Variants in IGF1R observed in about 807,000 individuals in gnomAD.
IGF1R encodes the protein insulin like growth factor 1 receptor.
IGF1R carries 44 observed loss-of-function variants against 144.6 expected under a neutral mutation model. The ratio of observed to expected loss-of-function variants is 0.30; its 90% confidence interval spans 0.24 to 0.39. The LOEUF (loss-of-function observed/expected upper bound fraction) is 0.39. Ranked by LOEUF, IGF1R falls within the 10% of genes least tolerant of loss-of-function variation. The pLI, the probability that IGF1R is intolerant of heterozygous loss-of-function variation, is 1.00. For missense variants in IGF1R, 1,355 were observed against 1,833.7 expected (o/e 0.74, Z 4.77); for synonymous variants, 795 against 722.8 (o/e 1.10, Z -1.60).
chr15:98,783,049 T>A (rs1466303323), intron 2 of IGF1R, among the ~76,000 whole-genome samples: 1 of 152,248 alleles, frequency 6.6e-6, no homozygotes. Flanking sequence ...CGAGAAGCTC[T>A]CTGCCTGCCT....
At chr15:98,788,056 C>CTGTGTGTGTG (rs1218256852) in intron 2 of IGF1R, among the ~76,000 whole-genome samples, 25 of 106,448 alleles carry the variant, frequency 2.3e-4, no homozygotes, top group African/African-American at 7.6e-4. Flanking sequence ...CTCTCTCTCT[C>CTGTGTGTGTG]TCTCTCTGTG....
At chr15:98,705,599 A>G (rs1031263837) in intron 1 of IGF1R, among the ~76,000 whole-genome samples, 3 of 152,164 alleles carry the variant, frequency 2.0e-5, no homozygotes, top group South Asian at 2.1e-4. Flanking sequence ...TTCACATTCT[A>G]AGTTCTCAAG....
intron 2 of IGF1R, among the ~76,000 whole-genome samples, chr15:98,863,595 A>G (rs2012275994): frequency 6.6e-6 from 1 of 152,226 alleles, no homozygotes; most frequent in Admixed American, 6.5e-5. Context: ...TGGCAAGTCC[A>G]CTTTTATTTG....
In IGF1R at chr15:98,959,539, C is replaced by T. The variant is rs189858462; in HGVS notation, c.*2097C>T. On this transcript the variant is annotated 3_prime_UTR_variant, in exon 21 of 21. Coordinates refer to ENST00000650285, the MANE Select transcript of IGF1R (RefSeq NM_000875.5). ...GGAGGCAGCACAGACGCCACGGTGG[C>T]CCAAGAGCCCCTTTGCTTCTTGCTG... 102 of 233,558 alleles carry T rather than the reference C, an allele frequency of 4.4e-4. 1 individual carries two copies. Among genetic ancestry groups the T allele is most frequent in the Admixed American group, 4.0e-3 (72 of 17,814 alleles). The allele number at this position is 233,558 out of a possible 1,614,324, so 14.5% of individuals were successfully genotyped here.
At chr15:98,884,377 T>C (rs775955756) in intron 2 of IGF1R, among the ~76,000 whole-genome samples, 3 of 152,164 alleles carry the variant, frequency 2.0e-5, no homozygotes, top group Non-Finnish European at 4.4e-5. Context: ...ACTGAGCTGA[T>C]CTTTCTGTAC....
intron 2 of IGF1R, among the ~76,000 whole-genome samples, chr15:98,840,996 G>T (rs2011164625): frequency 6.6e-6 from 1 of 152,136 alleles, no homozygotes; most frequent in African/African-American, 2.4e-5. Context: ...GGCTGGTCTT[G>T]ACTTCCTTTC....
chr15:98,725,097 C>T (rs980858192), intron 2 of IGF1R, among the ~76,000 whole-genome samples: 5 of 152,226 alleles, frequency 3.3e-5, no homozygotes, highest in African/African-American at 4.8e-5. Flanking sequence ...GTCTCCTGTT[C>T]CCTGGCCATT....
chr15:98,930,385 A>G, intron 15 of IGF1R, 80 bp downstream of exon 15: 1 of 912,256 alleles, frequency 1.1e-6, no homozygotes, highest in Non-Finnish European at 1.8e-6. Context: ...TAATTTGGGA[A>G]AGGAAGGAGG....
chr15:98,774,150 C>A (rs189705183), intron 2 of IGF1R, among the ~76,000 whole-genome samples: 1 of 152,298 alleles, frequency 6.6e-6, no homozygotes, highest in African/African-American at 2.4e-5. Flanking sequence ...GGGGGACATT[C>A]ACTGAAGCTT....
intron 2 of IGF1R, among the ~76,000 whole-genome samples, chr15:98,810,857 T>C (rs139268816): frequency 7.1e-6 from 1 of 141,796 alleles, no homozygotes; most frequent in Non-Finnish European, 1.5e-5. Context: ...CTCTAAATGA[T>C]TTTCTTAAGT....
intron 8 of IGF1R, among the ~76,000 whole-genome samples, chr15:98,915,195 C>G (rs1377752171): frequency 6.6e-6 from 1 of 152,222 alleles, no homozygotes; most frequent in African/African-American, 2.4e-5. Flanking sequence ...TTTATGCACA[C>G]TTCAGCTCTG....
intron 10 of IGF1R, among the ~76,000 whole-genome samples, chr15:98,918,553 G>A (rs773276212): frequency 6.6e-6 from 1 of 152,102 alleles, no homozygotes; most frequent in Non-Finnish European, 1.5e-5. Flanking sequence ...TTGCTTGGTG[G>A]CTTTTTTCTC....
At position 98,957,663 on chromosome 15, in the gene IGF1R, C is replaced by T. The variant is rs956160218; in HGVS notation, c.*221C>T. On this transcript the variant is annotated 3_prime_UTR_variant, in exon 21 of 21. Transcript: ENST00000650285. The stretch of plus-strand genomic sequence containing the variant: ...CAGCTTTTTATTCCCTGCCCAAACC[C>T]TTAACTGACATGGGCCTTTAAGAAC... 9 of 610,658 alleles carry T rather than the reference C, an allele frequency of 1.5e-5. No homozygotes were observed. Among genetic ancestry groups the T allele is most frequent in the Non-Finnish European group, 2.3e-5 (8 of 345,732 alleles). 37.8% of individuals were successfully genotyped at this position (610,658 alleles called of 1,614,324 possible). A position where few individuals can be genotyped will look rare whatever the true frequency, so the allele number is the denominator to read the frequency against.
chr15:98,840,365 A>T (rs1000609177), intron 2 of IGF1R, among the ~76,000 whole-genome samples: 1 of 152,238 alleles, frequency 6.6e-6, no homozygotes, highest in African/African-American at 2.4e-5. Flanking sequence ...TTCTGTTATC[A>T]TCTAAACCAA....
At chr15:98,945,763 T>C (rs1022773349) in intron 19 of IGF1R, among the ~76,000 whole-genome samples, 2 of 152,170 alleles carry the variant, frequency 1.3e-5, no homozygotes, top group East Asian at 1.9e-4. Context: ...CAACTGGTAT[T>C]GTGTAGAGAT....
In IGF1R at chr15:98,961,647, C is replaced by G. The variant is rs2017231336; in HGVS notation, c.*4205C>G. On this transcript the variant is annotated 3_prime_UTR_variant, in exon 21 of 21. Transcript: ENST00000650285. The stretch of plus-strand genomic sequence containing the variant: ...AGTCATATGAACCACTGAGGCACAT[C>G]ATGGAATTGATGTGAGCATTAAGAC... 2 of 233,640 alleles carry G rather than the reference C, an allele frequency of 8.6e-6. No homozygotes were observed. The highest frequency in any genetic ancestry group is 4.4e-5 in the African/African-American group (2 of 45,356). 14.5% of individuals were successfully genotyped at this position (233,640 alleles called of 1,614,324 possible).
intron 20 of IGF1R, among the ~76,000 whole-genome samples, chr15:98,949,524 A>C (rs1410597414): frequency 6.6e-6 from 1 of 151,774 alleles, no homozygotes; most frequent in African/African-American, 2.4e-5. Flanking sequence ...GATTACAGGC[A>C]CCCACCACCA....
chr15:98,661,956 C>CTTTTTTTTTTTTTTTTTTTTTTTTT (rs869208651), intron 1 of IGF1R, among the ~76,000 whole-genome samples: 8 of 105,722 alleles, frequency 7.6e-5, no homozygotes, highest in African/African-American at 2.7e-4. Flanking sequence ...GAATAGGGCC[C>CTTTTTTTTTTTTTTTTTTTTTTTTT]TTTTTTTTTT....
At chr15:98,748,777 A>G (rs1432453536) in intron 2 of IGF1R, among the ~76,000 whole-genome samples, 1 of 152,216 alleles carries the variant, frequency 6.6e-6, no homozygotes, top group Non-Finnish European at 1.5e-5. Flanking sequence ...GTAAGTTGGT[A>G]TCTTCACTGC....
Sources: allele counts gnomAD v4.1 joint callset (sites outside exome capture counted in the v4.1 genomes callset), GRCh38; gene constraint gnomAD v4.1.1; transcripts MANE v1.5; gene names NCBI Gene and HGNC (gene_info 2026-07-23, HGNC 2026-07-21).